Variants in ANKH observed in about 807,000 individuals in gnomAD.
ANKH encodes ANKH inorganic pyrophosphate transport regulator.
Under a neutral mutation model 49.0 loss-of-function variants are expected in ANKH, and 15 were observed. That is an observed-to-expected ratio of 0.31 (90% confidence interval 0.20 to 0.47). ANKH has a LOEUF of 0.47. Among genes scored for constraint, ANKH ranks in the 20% least tolerant of loss-of-function variants. The pLI, the probability that ANKH is intolerant of heterozygous loss-of-function variation, is 1.00. For synonymous variants in ANKH, 273 were observed against 260.0 expected (o/e 1.05, Z -0.48); for missense variants, 429 against 652.0 (o/e 0.66, Z 3.72).
At position 14,745,111 on chromosome 5, in the gene ANKH, C is replaced by CA. The variant is rs1167048671; in HGVS notation, c.915+758dup. Among the ~76,000 whole-genome samples the CA allele has an allele frequency of 6.6e-6, 1 of 152,242 alleles. No homozygotes were observed. The highest frequency in any genetic ancestry group is 2.4e-5 in the African/African-American group (1 of 41,456). On this transcript the variant is annotated intron_variant, in intron 7 of 11. Transcript: ENST00000284268. The surrounding 1 kb of genome is among the most constrained non-coding windows in gnomAD (Gnocchi z 4.7). Reference sequence around the variant, plus strand: ...AGTTCTGCAGACATTCAAGGCACAACAGGTGCCCTTCACGGTAAGAAGTAG... The same window carrying CA: ...AGTTCTGCAGACATTCAAGGCACAACAAGGTGCCCTTCACGGTAAGAAGTAG...
chr5:14,786,754 A>G (rs552347731), intron 1 of ANKH, among the ~76,000 whole-genome samples: 21 of 152,358 alleles, frequency 1.4e-4, no homozygotes, highest in African/African-American at 4.8e-4. Flanking sequence ...GTGGAAAAGG[A>G]ATATATCAAG....
chr5:14,830,853 G>A lies in ANKH; in HGVS notation c.96+40499C>T, dbSNP rs148133813. On this transcript the variant is annotated intron_variant, in intron 1 of 11. Transcript: ENST00000284268. The stretch of plus-strand genomic sequence containing the variant: ...TTTTTGGCATCCAAAGGGCACCAAC[G>A]GTCCTGCTTTGCCTGGGACTCGCCT... Among the ~76,000 whole-genome samples the A allele has an allele frequency of 4.3e-3, 648 of 152,200 alleles. 6 individuals carry two copies. Among genetic ancestry groups the A allele is most frequent in the Non-Finnish European group, 6.2e-3 (421 of 68,018 alleles).
At chr5:14,798,158 T>TG in intron 1 of ANKH, 2 of 1,556,972 alleles carry the variant, frequency 1.3e-6, no homozygotes, top group South Asian at 2.2e-5. Context: ...GCACACTGGC[T>TG]ATAACAAGAT....
intron 1 of ANKH, among the ~76,000 whole-genome samples, chr5:14,858,341 C>T (rs1427341533): frequency 2.6e-5 from 4 of 152,134 alleles, no homozygotes; most frequent in Non-Finnish European, 5.9e-5. Flanking sequence ...GCTCCCAATT[C>T]ATCAAATTTT....
At chr5:14,835,389 T>C (rs190868921) in intron 1 of ANKH, among the ~76,000 whole-genome samples, 37 of 152,302 alleles carry the variant, frequency 2.4e-4, no homozygotes, top group Non-Finnish European at 4.1e-4. Context: ...CACAGACAGG[T>C]TGAAATGCTT....
At chr5:14,765,122 C>T (rs909552097) in intron 2 of ANKH, among the ~76,000 whole-genome samples, 11 of 152,328 alleles carry the variant, frequency 7.2e-5, no homozygotes, top group African/African-American at 2.6e-4. Context: ...GCTCTGTACT[C>T]TTCGTTTTTG....
In ANKH at chr5:14,726,654, G is replaced by A. The variant is rs577135826; in HGVS notation, c.1012-9819C>T. The stretch of plus-strand genomic sequence containing the variant: ...CATGAGCTGGATGGGGCCTCTCTAG[G>A]AGTGTTCCTAATGTTTGCATGACTC... On this transcript the variant is annotated intron_variant, in intron 8 of 11. Coordinates refer to ENST00000284268, the MANE Select transcript of ANKH (RefSeq NM_054027.6). Among the ~76,000 whole-genome samples, 9 of 152,302 alleles carry A rather than the reference G, an allele frequency of 5.9e-5. No homozygotes were observed. In the South Asian group the frequency reaches 1.9e-3, roughly 32 times the overall value.
At chr5:14,807,378 G>A (rs1263035929) in intron 1 of ANKH, among the ~76,000 whole-genome samples, 1 of 152,120 alleles carries the variant, frequency 6.6e-6, no homozygotes, top group Non-Finnish European at 1.5e-5. Flanking sequence ...GCCTCCCAAA[G>A]TGCTGGGATT....
At chr5:14,776,346 T>C (rs1331467945) in intron 1 of ANKH, among the ~76,000 whole-genome samples, 1 of 152,006 alleles carries the variant, frequency 6.6e-6, no homozygotes, top group African/African-American at 2.4e-5. Context: ...GCTCTGTGAG[T>C]CTGGAGTCTG....
intron 1 of ANKH, among the ~76,000 whole-genome samples, chr5:14,858,513 T>A (rs1247839385): frequency 6.6e-6 from 1 of 152,052 alleles, no homozygotes; most frequent in African/African-American, 2.4e-5. Context: ...GTCAGGAGTT[T>A]GAGATAAGCC....
intron 2 of ANKH, among the ~76,000 whole-genome samples, chr5:14,759,521 C>T (rs938413179): frequency 6.6e-6 from 1 of 151,854 alleles, no homozygotes; most frequent in Non-Finnish European, 1.5e-5. Flanking sequence ...GAGGCTGAGG[C>T]AGAAAGATTG....
chr5:14,797,505 G>A lies in ANKH; in HGVS notation c.97-28314C>T, dbSNP rs551452414. On this transcript the variant is annotated intron_variant, in intron 1 of 11. Coordinates refer to ENST00000284268, the MANE Select transcript of ANKH (RefSeq NM_054027.6). ...TTTCAGATTTCTCAGATCCCACAAG[G>A]CAACAGTCTTGTCAGCTGATCCTGT... is the stretch of plus-strand genomic sequence containing the variant. The A allele has an allele frequency of 2.4e-5, 39 of 1,611,276 alleles. No individual in the cohort carries two copies. The East Asian group carries it at 8.0e-4, about 33-fold the overall frequency.
chr5:14,756,323 G>A (rs1422019417), intron 3 of ANKH, among the ~76,000 whole-genome samples: 1 of 152,198 alleles, frequency 6.6e-6, no homozygotes, highest in African/African-American at 2.4e-5. Context: ...AGATCATAAT[G>A]AGGGCTCTCA....
chr5:14,780,053 CTT>C (rs34249421), intron 1 of ANKH, among the ~76,000 whole-genome samples: 22,761 of 140,942 alleles, frequency 0.16, 1,985 homozygotes, highest in Middle Eastern at 0.26. Context: ...AGGATAACAG[CTT>C]TTTTTTTTTT....
At chr5:14,808,863 T>C (rs1238070388) in intron 1 of ANKH, among the ~76,000 whole-genome samples, 1 of 122,452 alleles carries the variant, frequency 8.2e-6, no homozygotes, top group African/African-American at 3.1e-5. Flanking sequence ...TAAATCATGC[T>C]GCTATAAAGA....
At chr5:14,794,866 G>A (rs553771643) in intron 1 of ANKH, among the ~76,000 whole-genome samples, 1 of 152,360 alleles carries the variant, frequency 6.6e-6, no homozygotes, top group African/African-American at 2.4e-5. Flanking sequence ...GGCATTTGCT[G>A]CTGCACAAGG....
intron 1 of ANKH, among the ~76,000 whole-genome samples, chr5:14,780,633 A>T (rs930010691): frequency 6.6e-6 from 1 of 152,258 alleles, no homozygotes; most frequent in Non-Finnish European, 1.5e-5. Flanking sequence ...GAAAGCTGAT[A>T]CTGTTCCCTA....
chr5:14,760,498 C>T (rs4701616), intron 2 of ANKH, among the ~76,000 whole-genome samples: 104,624 of 152,124 alleles, frequency 0.69, 36,759 homozygotes, highest in African/African-American at 0.82. Flanking sequence ...CTTTGGGTGC[C>T]GAACTGTGGA....
intron 1 of ANKH, among the ~76,000 whole-genome samples, chr5:14,839,415 G>A (rs1741753594): frequency 6.6e-6 from 1 of 151,180 alleles, no homozygotes. Context: ...TTGGCTCAAT[G>A]TCTTACTTGA....
Sources: gnomAD v4.1 joint callset for allele counts (sites outside exome capture counted in the v4.1 genomes callset) on GRCh38, gnomAD v4.1.1 for gene constraint, Gnocchi (gnomAD v3.1) non-coding constraint, MANE v1.5 for transcripts, NCBI Gene and HGNC (gene_info 2026-07-23, HGNC 2026-07-21) for gene names.